ALK: variants seen among roughly 807,000 people sequenced by gnomAD.
ALK encodes ALK tyrosine kinase receptor.
In ALK, 74 loss-of-function variants were observed where a neutral mutation model predicts 163.1. That is an observed-to-expected ratio of 0.45 (90% CI 0.38 to 0.55). ALK has a LOEUF of 0.55. Among genes scored for constraint, ALK ranks in the 20% least tolerant of loss-of-function variants. ALK has a pLI of 0.00. For synonymous variants in ALK, 960 were observed against 843.2 expected (o/e 1.14, Z -2.40); for missense variants, 2,063 against 2,105.3 (o/e 0.98, Z 0.39).
chr2:29,657,535 G>C (rs1168765864), intron 3 of ALK, among the ~76,000 whole-genome samples: 1 of 152,128 alleles, frequency 6.6e-6, no homozygotes, highest in Admixed American at 6.5e-5. Context: ...TGGGGGATAT[G>C]GACATAGAGT....
Position 29,197,522 on chromosome 2 carries a change from T to A in ALK, c.4073+20A>T, listed in dbSNP as rs1176333736. The A allele has an allele frequency of 6.2e-7, 1 of 1,612,778 alleles. No individual in the cohort carries two copies. The highest frequency in any genetic ancestry group is 8.5e-7 in the Non-Finnish European group (1 of 1,179,766). ...AAAACTGCTTAGTAACTAGCAGAAG[T>A]GTTCCTAAAAGAGTCATACACAGGC... On this transcript the variant is annotated intron_variant, in intron 27 of 28. Transcript: ENST00000389048.
At chr2:29,382,206 G>C (rs1417138405) in intron 5 of ALK, among the ~76,000 whole-genome samples, 13 of 152,202 alleles carry the variant, frequency 8.5e-5, no homozygotes, top group Admixed American at 8.5e-4. Context: ...TGCCAGCGGA[G>C]ACTTTCTGAG....
intron 1 of ALK, among the ~76,000 whole-genome samples, chr2:29,741,291 G>A (rs57539051): frequency 1.4e-3 from 214 of 152,288 alleles, no homozygotes; most frequent in African/African-American, 5.0e-3. Flanking sequence ...AACATCAAAA[G>A]TGAACCCTAA....
intron 8 of ALK, among the ~76,000 whole-genome samples, chr2:29,302,309 G>T (rs955394233): frequency 5.9e-5 from 9 of 152,202 alleles, no homozygotes; most frequent in African/African-American, 2.2e-4. Context: ...CCTGAGGTCA[G>T]GAGTTCGAGA....
rs943289632 is a variant in ALK at position 29,563,796 on chromosome 2, C to T, written c.953-31680G>A. Among the ~76,000 whole-genome samples, 26 of 152,148 alleles carry T rather than the reference C, an allele frequency of 1.7e-4. 1 individual carries two copies. The highest frequency in any genetic ancestry group is 3.9e-4 in the Admixed American group (6 of 15,270). On this transcript the variant is annotated intron_variant, in intron 3 of 28. Transcript: ENST00000389048. ...TCTAAGACAAGGATGAGAATAGTCC[C>T]TTCCTAAAACTAGCCCTCAAAGAGA... is the stretch of plus-strand genomic sequence containing the variant.
chr2:29,902,954 A>G (rs1012002146), intron 1 of ALK, among the ~76,000 whole-genome samples: 2 of 152,158 alleles, frequency 1.3e-5, no homozygotes, highest in African/African-American at 4.8e-5. Flanking sequence ...ATCTTATCTG[A>G]TCCCCTCAAC....
chr2:29,657,756 C>A (rs1677227300), intron 3 of ALK, among the ~76,000 whole-genome samples: 1 of 151,916 alleles, frequency 6.6e-6, no homozygotes, highest in African/African-American at 2.4e-5. Context: ...AAAGAGGAGA[C>A]AATGATTTGT....
At chr2:29,791,858 A>G (rs555527172) in intron 1 of ALK, among the ~76,000 whole-genome samples, 92 of 152,310 alleles carry the variant, frequency 6.0e-4, no homozygotes, top group African/African-American at 2.2e-3. Flanking sequence ...ATTTGAGGGA[A>G]TTTGAAACAT....
intron 1 of ALK, among the ~76,000 whole-genome samples, chr2:29,837,178 G>T (rs764472630): frequency 2.0e-5 from 3 of 152,268 alleles, no homozygotes; most frequent in Middle Eastern, 6.8e-3. Context: ...ATAATTTTCT[G>T]TAGGGAAACA....
intron 4 of ALK, among the ~76,000 whole-genome samples, chr2:29,482,544 G>T (rs1671686914): frequency 6.6e-6 from 1 of 152,144 alleles, no homozygotes; most frequent in Admixed American, 6.5e-5. Context: ...AAAGTGACCT[G>T]ATGCTTTAAA....
intron 3 of ALK, among the ~76,000 whole-genome samples, chr2:29,595,951 G>C (rs1022566190): frequency 6.6e-6 from 1 of 152,158 alleles, no homozygotes; most frequent in Non-Finnish European, 1.5e-5. Flanking sequence ...CTCCAGTAGC[G>C]GCAAGCTGGC....
chr2:29,712,327 A>AC (rs936048177), intron 2 of ALK, among the ~76,000 whole-genome samples: 13 of 152,078 alleles, frequency 8.5e-5, no homozygotes, highest in African/African-American at 3.1e-4. Flanking sequence ...AAAGAGCTTG[A>AC]CCCCCTAGCT....
chr2:29,481,183 T>C (rs1281328552), intron 4 of ALK, among the ~76,000 whole-genome samples: 2 of 152,242 alleles, frequency 1.3e-5, no homozygotes, highest in Non-Finnish European at 2.9e-5. Context: ...ATGGCAGATC[T>C]GGACTAGCAC....
rs189992813 is a variant in ALK, at chr2:29,216,505, A to G, written c.3646-2424T>C. On this transcript the variant is annotated intron_variant, in intron 23 of 28. Transcript: ENST00000389048. ...GCATTAACTCACGGGCTAGGCTGTTATGGCCCCCTGTCCTTGGCTGCTCAG... is the reference window on the plus strand; with the variant it reads ...GCATTAACTCACGGGCTAGGCTGTTGTGGCCCCCTGTCCTTGGCTGCTCAG... Among the ~76,000 whole-genome samples, 260 of 152,206 alleles carry G rather than the reference A, an allele frequency of 1.7e-3. 6 individuals carry two copies. The highest frequency in any genetic ancestry group is 3.2e-4 in the Non-Finnish European group (22 of 67,996).
intron 1 of ALK, among the ~76,000 whole-genome samples, chr2:29,837,150 C>T (rs1363909513): frequency 6.6e-6 from 1 of 152,278 alleles, no homozygotes; most frequent in South Asian, 2.1e-4. Context: ...ATAACTTAGC[C>T]TATCCGGAAT....
chr2:29,267,346 T>C (rs369950695), intron 11 of ALK, among the ~76,000 whole-genome samples: 8 of 152,204 alleles, frequency 5.3e-5, no homozygotes, highest in East Asian at 1.9e-4. Context: ...GAGGACCCAG[T>C]TGAGCTGTGT....
At chr2:29,535,218 G>A (rs1016587734) in intron 3 of ALK, among the ~76,000 whole-genome samples, 2 of 152,190 alleles carry the variant, frequency 1.3e-5, no homozygotes, top group Admixed American at 6.5e-5. Context: ...TGGCCATGGG[G>A]GTGTGGAGAG....
intron 1 of ALK, among the ~76,000 whole-genome samples, chr2:29,758,236 TC>T (rs1680595533): frequency 6.6e-6 from 1 of 152,000 alleles, no homozygotes; most frequent in Admixed American, 6.6e-5. Context: ...GGTCTCAAAC[TC>T]CTCCTCAAGT....
At chr2:29,241,931 T>A (rs1297338695) in intron 12 of ALK, among the ~76,000 whole-genome samples, 1 of 152,108 alleles carries the variant, frequency 6.6e-6, no homozygotes, top group East Asian at 1.9e-4. Context: ...TAGAGGTCAT[T>A]TCCTCCCCAA....
Sources: gnomAD v4.1 joint callset for allele counts (sites outside exome capture counted in the v4.1 genomes callset) on GRCh38, gnomAD v4.1.1 for gene constraint, MANE v1.5 for transcripts, NCBI Gene and HGNC (gene_info 2026-07-23, HGNC 2026-07-21) for gene names.